B3GALT1: variants seen among roughly 807,000 people sequenced by gnomAD.
The protein encoded by B3GALT1 is UDP-Gal:betaGlcNAc beta 1,3-galactosyltransferase, polypeptide 1.
B3GALT1 carries 10 observed loss-of-function variants against 23.2 expected under a neutral mutation model. The ratio of observed to expected loss-of-function variants is 0.43; its 90% confidence interval spans 0.27 to 0.73. B3GALT1 has a LOEUF of 0.73. Among genes scored for constraint, B3GALT1 ranks in the 30% least tolerant of loss-of-function variants. The pLI is 0.21. For missense variants in B3GALT1, 299 were observed against 405.4 expected, an observed-to-expected ratio of 0.74 and a Z score of 2.25; for synonymous variants, 156 against 141.5, an observed-to-expected ratio of 1.10 and a Z score of -0.73.
chr2:167,662,904 G>C (rs894916570), intron 3 of B3GALT1, among the ~76,000 whole-genome samples: 4 of 151,676 alleles, frequency 2.6e-5, no homozygotes, highest in South Asian at 2.1e-4. Flanking sequence ...TGACTGCCTT[G>C]TCTTCTCCAA....
intron 2 of B3GALT1, among the ~76,000 whole-genome samples, chr2:167,624,494 T>G (rs1171388701): frequency 6.6e-6 from 1 of 152,114 alleles, no homozygotes; most frequent in African/African-American, 2.4e-5. Context: ...TTTACATATT[T>G]TAGCTAATGT....
intron 3 of B3GALT1, among the ~76,000 whole-genome samples, chr2:167,683,076 T>C (rs192743495): frequency 6.3e-4 from 96 of 152,306 alleles, no homozygotes; most frequent in African/African-American, 1.9e-3. Flanking sequence ...AACATGTAGA[T>C]TTTTAGAAAA....
chr2:167,700,047 T>C (rs1189584991), intron 3 of B3GALT1, among the ~76,000 whole-genome samples: 1 of 152,120 alleles, frequency 6.6e-6, no homozygotes, highest in Admixed American at 6.5e-5. Context: ...AATATAGTTA[T>C]TGCTAGCCTT....
At chr2:167,838,545 G>A (rs1459486921) in intron 4 of B3GALT1, among the ~76,000 whole-genome samples, 11 of 152,238 alleles carry the variant, frequency 7.2e-5, no homozygotes, top group East Asian at 1.9e-4. Flanking sequence ...ATAGCTTACC[G>A]ACCATAAAGA....
chr2:167,294,971 A>G (rs1696324989), intron 1 of B3GALT1, among the ~76,000 whole-genome samples: 1 of 152,194 alleles, frequency 6.6e-6, no homozygotes, highest in Non-Finnish European at 1.5e-5. Flanking sequence ...ACGTAATAGA[A>G]ATGCTATAGA....
chr2:167,693,130 C>A (rs1460717178), intron 3 of B3GALT1, among the ~76,000 whole-genome samples: 1 of 151,940 alleles, frequency 6.6e-6, no homozygotes, highest in East Asian at 1.9e-4. Context: ...GAATTCACAA[C>A]ACAAGAGTGC....
chr2:167,529,181 C>G (rs1032496447), intron 2 of B3GALT1, among the ~76,000 whole-genome samples: 3 of 152,092 alleles, frequency 2.0e-5, no homozygotes, highest in African/African-American at 7.2e-5. Context: ...GGAACACATA[C>G]CTTCCTGGTT....
intron 1 of B3GALT1, among the ~76,000 whole-genome samples, chr2:167,436,675 T>C (rs1486010054): frequency 1.3e-5 from 2 of 152,194 alleles, no homozygotes; most frequent in Non-Finnish European, 2.9e-5. Context: ...TTTCATCTCT[T>C]ACTTTGTATA....
chr2:167,745,227 C>G (rs1302693441), intron 3 of B3GALT1, among the ~76,000 whole-genome samples: 1 of 122,620 alleles, frequency 8.2e-6, no homozygotes, highest in African/African-American at 2.7e-5. Flanking sequence ...TAATTCTATT[C>G]TAAAACCATA....
At chr2:167,522,188 C>A (rs976214324) in intron 2 of B3GALT1, among the ~76,000 whole-genome samples, 2 of 151,844 alleles carry the variant, frequency 1.3e-5, no homozygotes, top group East Asian at 3.9e-4. Flanking sequence ...ATGAGACCTG[C>A]TTTTGGTATC....
chr2:167,500,671 G>A (rs933685289), intron 2 of B3GALT1, among the ~76,000 whole-genome samples: 1 of 152,078 alleles, frequency 6.6e-6, no homozygotes, highest in African/African-American at 2.4e-5. Context: ...CATTATTAAG[G>A]CAGGAGTGTT....
Position 167,322,347 on chromosome 2 carries a change from C to T in B3GALT1, c.-511+29013C>T, listed in dbSNP as rs117015409. The stretch of plus-strand genomic sequence containing the variant: ...CAAAAATGGGATTCATCTCTCTGAA[C>T]GAAAAAATGATAAAATTTATAATTA... On this transcript the variant is annotated intron_variant, in intron 1 of 4. Coordinates refer to ENST00000392690, the MANE Select transcript of B3GALT1 (RefSeq NM_020981.4). Among the ~76,000 whole-genome samples, 263 of 149,472 alleles carry T rather than the reference C, an allele frequency of 1.8e-3. 11 individuals carry two copies. The East Asian group carries it at 0.046, about 26-fold the overall frequency.
At chr2:167,592,288 A>G (rs1471570007) in intron 2 of B3GALT1, among the ~76,000 whole-genome samples, 1 of 152,174 alleles carries the variant, frequency 6.6e-6, no homozygotes, top group African/African-American at 2.4e-5. Flanking sequence ...CTCTGCCCCA[A>G]TCATGAAGTT....
chr2:167,556,472 G>C (rs1395920175), intron 2 of B3GALT1, among the ~76,000 whole-genome samples: 5 of 151,982 alleles, frequency 3.3e-5, no homozygotes, highest in African/African-American at 1.2e-4. Flanking sequence ...TGGACTATAA[G>C]GACACCATGG....
chr2:167,317,747 A>G (rs1696741046), intron 1 of B3GALT1, among the ~76,000 whole-genome samples: 2 of 152,246 alleles, frequency 1.3e-5, no homozygotes, highest in Admixed American at 6.5e-5. Flanking sequence ...CTTCTTGTGC[A>G]TGAAGGGAAT....
chr2:167,476,674 G>T (rs1249970418), intron 1 of B3GALT1, among the ~76,000 whole-genome samples: 2 of 152,054 alleles, frequency 1.3e-5, no homozygotes, highest in African/African-American at 4.8e-5. Flanking sequence ...TACTTCATTA[G>T]AAATAGAATT....
intron 1 of B3GALT1, among the ~76,000 whole-genome samples, chr2:167,444,050 C>T (rs1698941428): frequency 6.6e-6 from 1 of 152,140 alleles, no homozygotes; most frequent in Non-Finnish European, 1.5e-5. Context: ...CCATCAATAC[C>T]TAATTTACTG....
At chr2:167,605,763 A>G (rs887615705) in intron 2 of B3GALT1, among the ~76,000 whole-genome samples, 4 of 152,204 alleles carry the variant, frequency 2.6e-5, no homozygotes, top group Non-Finnish European at 1.5e-5. Flanking sequence ...GGTACTTTAT[A>G]TCTTTATCTT....
intron 2 of B3GALT1, among the ~76,000 whole-genome samples, chr2:167,645,946 G>A (rs1685742373): frequency 6.6e-6 from 1 of 152,068 alleles, no homozygotes. Context: ...TTACCGTAAG[G>A]AGAATGGCTT....
Sources: gnomAD v4.1 joint callset for allele counts (sites outside exome capture counted in the v4.1 genomes callset) on GRCh38, gnomAD v4.1.1 for gene constraint, MANE v1.5 for transcripts, NCBI Gene and HGNC (gene_info 2026-07-23, HGNC 2026-07-21) for gene names.